The following NEGR1 variants were observed in gnomAD, a reference collection of about 807,000 sequenced individuals.
NEGR1 encodes IgLON family member 4.
Under a neutral mutation model 40.9 loss-of-function variants are expected in NEGR1, and 10 were observed. That is an observed-to-expected ratio of 0.24 (90% CI 0.15 to 0.42). NEGR1 has a LOEUF of 0.42. Ranked by LOEUF, NEGR1 falls within the 10% of genes least tolerant of loss-of-function variation. NEGR1 has a pLI of 1.00. For synonymous variants in NEGR1, 185 were observed against 166.8 expected, an observed-to-expected ratio of 1.11 and a Z score of -0.84; for missense variants, 352 against 438.9, an observed-to-expected ratio of 0.80 and a Z score of 1.77.
Position 71,581,336 on chromosome 1 carries a change from G to A in NEGR1, c.940+11481C>T, listed in dbSNP as rs144169581. Among the ~76,000 whole-genome samples the A allele has an allele frequency of 4.1e-4, 62 of 152,224 alleles. 1 individual carries two copies. The highest frequency in any genetic ancestry group is 1.4e-3 in the African/African-American group (57 of 41,544). ...AAGTGAATATTAATAGGGATTAAACGTAATGTGTCATGTCTGTGGCCATTA... is the reference window on the plus strand; with the variant it reads ...AAGTGAATATTAATAGGGATTAAACATAATGTGTCATGTCTGTGGCCATTA... On this transcript the variant is annotated intron_variant, in intron 6 of 6. Coordinates refer to ENST00000357731, the MANE Select transcript of NEGR1 (RefSeq NM_173808.3).
intron 2 of NEGR1, among the ~76,000 whole-genome samples, chr1:71,790,709 G>C (rs1035421805): frequency 6.6e-6 from 1 of 152,092 alleles, no homozygotes; most frequent in Non-Finnish European, 1.5e-5. Flanking sequence ...ATGGTTTCCA[G>C]AGACTATGGA....
chr1:71,749,093 C>A (rs959241778), intron 3 of NEGR1, among the ~76,000 whole-genome samples: 1 of 152,122 alleles, frequency 6.6e-6, no homozygotes, highest in Non-Finnish European at 1.5e-5. Flanking sequence ...AACACACTTA[C>A]ATCAACAAAA....
intron 1 of NEGR1, among the ~76,000 whole-genome samples, chr1:72,263,724 G>A (rs1264880075): frequency 2.0e-5 from 3 of 151,252 alleles, no homozygotes; most frequent in Non-Finnish European, 4.4e-5. Flanking sequence ...TGCTATGTAG[G>A]CATATCTTTT....
Position 71,912,025 on chromosome 1 carries a change from A to G in NEGR1, c.409+23054T>C, listed in dbSNP as rs979209287. ...TGGTGTCTGGCAGGTAGTAATGACT[A>G]CAACAGCCATAGCATATATATTATA... On this transcript the variant is annotated intron_variant, in intron 2 of 6. Coordinates refer to ENST00000357731, the MANE Select transcript of NEGR1 (RefSeq NM_173808.3). Among the ~76,000 whole-genome samples the G allele has an allele frequency of 2.0e-5, 3 of 152,306 alleles. No individual in the cohort carries two copies. In the East Asian group the frequency reaches 5.8e-4, roughly 29 times the overall value.
chr1:71,558,753 C>T (rs1415729534), intron 6 of NEGR1, among the ~76,000 whole-genome samples: 1 of 139,410 alleles, frequency 7.2e-6, no homozygotes, highest in South Asian at 2.3e-4. Context: ...CACTTCTTTA[C>T]ATCCTAGCAC....
chr1:71,710,605 A>G (rs1389069511), intron 3 of NEGR1, among the ~76,000 whole-genome samples: 1 of 152,210 alleles, frequency 6.6e-6, no homozygotes, highest in Non-Finnish European at 1.5e-5. Context: ...CATTATGTTA[A>G]GTGAAATATG....
chr1:71,513,416 A>G (rs61350755), intron 6 of NEGR1, among the ~76,000 whole-genome samples: 6,100 of 152,056 alleles, frequency 0.04, 396 homozygotes, highest in African/African-American at 0.14. Context: ...TATGTTTTTG[A>G]GTTGATAAAA....
intron 2 of NEGR1, among the ~76,000 whole-genome samples, chr1:71,895,066 C>A (rs1660931368): frequency 6.6e-6 from 1 of 152,138 alleles, no homozygotes; most frequent in Non-Finnish European, 1.5e-5. Flanking sequence ...TACCATGTGT[C>A]CTCAATAGGA....
At chr1:71,674,165 C>T (rs12136561) in intron 4 of NEGR1, among the ~76,000 whole-genome samples, 55,330 of 151,902 alleles carry the variant, frequency 0.36, 11,964 homozygotes, top group Middle Eastern at 0.5. Context: ...ATATATTCTT[C>T]CCAGGTTGTT....
At chr1:71,849,356 T>C (rs1052002574) in intron 2 of NEGR1, among the ~76,000 whole-genome samples, 3 of 152,146 alleles carry the variant, frequency 2.0e-5, no homozygotes, top group Non-Finnish European at 2.9e-5. Flanking sequence ...GTGGTGCAAA[T>C]TGTAAAAGTA....
chr1:71,710,096 C>T (rs965783030), intron 3 of NEGR1, among the ~76,000 whole-genome samples: 1 of 152,138 alleles, frequency 6.6e-6, no homozygotes, highest in African/African-American at 2.4e-5. Context: ...ATAGACATTT[C>T]TCAAAAGAAG....
chr1:71,584,161 T>G (rs563632562), intron 6 of NEGR1, among the ~76,000 whole-genome samples: 2 of 152,176 alleles, frequency 1.3e-5, no homozygotes, highest in African/African-American at 4.8e-5. Context: ...GAAATCCCAA[T>G]TGAATTACAT....
intron 1 of NEGR1, among the ~76,000 whole-genome samples, chr1:71,964,521 C>G (rs557903362): frequency 6.6e-6 from 1 of 152,076 alleles, no homozygotes; most frequent in African/African-American, 2.4e-5. Flanking sequence ...AATGAAGAGG[C>G]CTCCAGGTAA....
intron 6 of NEGR1, among the ~76,000 whole-genome samples, chr1:71,517,506 G>T (rs996376930): frequency 1.6e-5 from 2 of 127,126 alleles, no homozygotes; most frequent in Admixed American, 8.1e-5. Flanking sequence ...TGCAGAAAAA[G>T]CCTTTGACAA....
chr1:72,125,475 G>C lies in NEGR1; in HGVS notation c.176+156844C>G, dbSNP rs182005228. On this transcript the variant is annotated intron_variant, in intron 1 of 6. Coordinates refer to ENST00000357731, the MANE Select transcript of NEGR1 (RefSeq NM_173808.3). ...AACGTGGCCAAATAAAAAAAAATTA[G>C]TCCATAAGCTATATACTGAATTGCA... Among the ~76,000 whole-genome samples, 21 of 151,768 alleles carry C rather than the reference G, an allele frequency of 1.4e-4. No homozygotes were observed. In the East Asian group the frequency reaches 3.7e-3, roughly 27 times the overall value.
At chr1:72,021,855 G>T (rs929729326) in intron 1 of NEGR1, among the ~76,000 whole-genome samples, 1 of 152,116 alleles carries the variant, frequency 6.6e-6, no homozygotes, top group Non-Finnish European at 1.5e-5. Flanking sequence ...GAAACAAGAG[G>T]CTGGGCACGG....
At chr1:71,878,104 T>C (rs1315761098) in intron 2 of NEGR1, among the ~76,000 whole-genome samples, 1 of 152,196 alleles carries the variant, frequency 6.6e-6, no homozygotes, top group African/African-American at 2.4e-5. Context: ...TATATTTGTA[T>C]GGTGAGTGGA....
At chr1:71,409,299 T>C (rs1460678526) in intron 6 of NEGR1, among the ~76,000 whole-genome samples, 2 of 151,980 alleles carry the variant, frequency 1.3e-5, no homozygotes, top group African/African-American at 4.8e-5. Flanking sequence ...TATGCTAGAG[T>C]TGTTTTTCAA....
intron 1 of NEGR1, among the ~76,000 whole-genome samples, chr1:72,204,790 C>T (rs749385119): frequency 1.1e-4 from 16 of 151,932 alleles, no homozygotes; most frequent in Non-Finnish European, 2.2e-4. Flanking sequence ...GTTTAATTTC[C>T]AAATGAGAAT....
Sources: allele counts gnomAD v4.1 joint callset (sites outside exome capture counted in the v4.1 genomes callset), GRCh38; gene constraint gnomAD v4.1.1; transcripts MANE v1.5; gene names NCBI Gene and HGNC (gene_info 2026-07-23, HGNC 2026-07-21).